CREBBP: variants seen among roughly 807,000 people sequenced by gnomAD.
The protein encoded by CREBBP is CREB-binding protein.
CREBBP carries 19 observed loss-of-function variants against 265.0 expected under a neutral mutation model. The observed-to-expected ratio is 0.07, with a 90% CI of 0.05 to 0.11. The LOEUF (loss-of-function observed/expected upper bound fraction) is 0.11. CREBBP is among the 10% of genes least tolerant of loss of function. CREBBP has a pLI of 1.00. For missense variants in CREBBP, 2,525 were observed against 3,219.0 expected (o/e 0.78, Z 5.22); for synonymous variants, 1,457 against 1,223.7 (o/e 1.19, Z -3.98).
intron 1 of CREBBP, among the ~76,000 whole-genome samples, chr16:3,871,429 G>T (rs1427610321): frequency 6.6e-6 from 1 of 152,176 alleles, no homozygotes; most frequent in African/African-American, 2.4e-5. Flanking sequence ...CTTTTAATCA[G>T]GTGACAAATA....
intron 22 of CREBBP, 116 bp downstream of exon 22, chr16:3,745,159 ATC>A: frequency 9.6e-7 from 1 of 1,038,238 alleles, no homozygotes; most frequent in Non-Finnish European, 1.5e-6. Flanking sequence ...ACCAACTGCC[ATC>A]TCTCTTAATC....
chr16:3,790,423 G>A (rs1325966006), intron 5 of CREBBP, among the ~76,000 whole-genome samples: 1 of 143,490 alleles, frequency 7.0e-6, no homozygotes, highest in Non-Finnish European at 1.5e-5. Context: ...TGCCCAGGCT[G>A]GAGTGCACTG....
chr16:3,793,279 C>T (rs755244177), intron 4 of CREBBP, 107 bp downstream of exon 4: 606 of 1,481,706 alleles, frequency 4.1e-4, no homozygotes, highest in Non-Finnish European at 5.3e-4. Flanking sequence ...CAATGGAAGG[C>T]AGCACTCAGG....
At chr16:3,743,985 A>G (rs1210842588) in intron 23 of CREBBP, among the ~76,000 whole-genome samples, 1 of 152,144 alleles carries the variant, frequency 6.6e-6, no homozygotes, top group Non-Finnish European at 1.5e-5. Flanking sequence ...CTGAGGCAGG[A>G]GAATCGCTTG....
intron 8 of CREBBP, 43 bp from the exon 9 acceptor site, chr16:3,778,860 C>CT (rs761780047): frequency 1.2e-3 from 1,814 of 1,565,482 alleles, no homozygotes; most frequent in Non-Finnish European, 1.4e-3. Context: ...TTTTTTTCTT[C>CT]TTTTTTTTAA....
chr16:3,799,291 A>G (rs1463333153), intron 3 of CREBBP, among the ~76,000 whole-genome samples: 1 of 152,246 alleles, frequency 6.6e-6, no homozygotes, highest in Admixed American at 6.5e-5. Flanking sequence ...TGTACACTTG[A>G]AGCAAGGACT....
At chr16:3,755,290 A>C (rs1257533109) in intron 19 of CREBBP, among the ~76,000 whole-genome samples, 2 of 152,196 alleles carry the variant, frequency 1.3e-5, no homozygotes, top group Admixed American at 6.5e-5. Flanking sequence ...AATCTGTGCA[A>C]ATCAGCAAAG....
At chr16:3,834,153 A>G (rs1055424294) in intron 2 of CREBBP, among the ~76,000 whole-genome samples, 13 of 152,236 alleles carry the variant, frequency 8.5e-5, no homozygotes, top group Admixed American at 2.6e-4. Flanking sequence ...AGGAACTCTC[A>G]TTCATCACTG....
intron 3 of CREBBP, among the ~76,000 whole-genome samples, chr16:3,796,360 T>C (rs2053608177): frequency 6.6e-6 from 1 of 151,708 alleles, no homozygotes; most frequent in Non-Finnish European, 1.5e-5. Context: ...GGATCACAGA[T>C]GTGTGGTGCC....
chr16:3,759,938 T>C (rs1040987135), intron 16 of CREBBP, among the ~76,000 whole-genome samples: 1 of 152,126 alleles, frequency 6.6e-6, no homozygotes, highest in Non-Finnish European at 1.5e-5. Context: ...AGCTGTTCGG[T>C]GTGGGAGGCC....
In CREBBP at chr16:3,725,438, G is replaced by A. The variant is rs569468762; in HGVS notation, c.*2280C>T. On this transcript the variant is annotated 3_prime_UTR_variant, in exon 31 of 31. Transcript: ENST00000262367. ...TTCTGAGTGTGGGCTTAGAGCTGCT[G>A]CTCTCGGGCTCTAGCCCCACTTCTT... The A allele has an allele frequency of 2.1e-4, 49 of 233,146 alleles. No homozygotes were observed. Among genetic ancestry groups the A allele is most frequent in the Admixed American group, 5.1e-4 (9 of 17,782 alleles). The allele number at this position is 233,146 out of a possible 1,614,324, so 14.4% of individuals were successfully genotyped here.
chr16:3,835,265 T>C (rs915003542), intron 2 of CREBBP, among the ~76,000 whole-genome samples: 1 of 152,218 alleles, frequency 6.6e-6, no homozygotes, highest in African/African-American at 2.4e-5. Flanking sequence ...ACAGGGATTT[T>C]TTTTTTCTAT....
chr16:3,837,622 T>A lies in CREBBP; in HGVS notation c.798+12675A>T, dbSNP rs537570634. Among the ~76,000 whole-genome samples the A allele has an allele frequency of 5.9e-3, 891 of 150,022 alleles. 3 individuals carry two copies. Among genetic ancestry groups the A allele is most frequent in the Middle Eastern group, 0.014 (4 of 288 alleles). The stretch of plus-strand genomic sequence containing the variant: ...CACAGCAAGACTGTCTCAAAAAAAA[T>A]AATAATAATAATAAATAAATAAATA... On this transcript the variant is annotated intron_variant, in intron 2 of 30. Transcript: ENST00000262367.
At position 3,850,576 on chromosome 16, in the gene CREBBP, A is replaced by G; in HGVS notation, c.519T>C (p.Pro173=). 6 of 1,614,244 alleles carry G rather than the reference A, an allele frequency of 3.7e-6. No individual in the cohort carries two copies. The highest frequency in any genetic ancestry group is 5.1e-6 in the Non-Finnish European group (6 of 1,180,038). The change falls in exon 2 of 31, where the codon CCT becomes CCC. Residue 173 remains proline (P), a synonymous_variant. Coordinates refer to ENST00000262367, the MANE Select transcript of CREBBP (RefSeq NM_004380.3). ...TSSPATSQTG[P]GICMNANFNQ... ...TAAAGTTAGCATTCATGCAGATACC[A>G]GGTCCAGTCTGTGACGTGGCAGGGC...
intron 1 of CREBBP, among the ~76,000 whole-genome samples, chr16:3,853,335 G>T (rs2054893195): frequency 6.6e-6 from 1 of 152,242 alleles, no homozygotes; most frequent in Non-Finnish European, 1.5e-5. Context: ...ATCAGGCCGG[G>T]TGCGGTGGCT....
chr16:3,835,351 C>G (rs547792813), intron 2 of CREBBP, among the ~76,000 whole-genome samples: 1 of 151,748 alleles, frequency 6.6e-6, no homozygotes, highest in African/African-American at 2.4e-5. Flanking sequence ...TCTTTTTAAA[C>G]AATCCTTAAA....
rs1208609052 is a variant in CREBBP, at chr16:3,738,545, T to A, written c.4394+14A>T. On this transcript the variant is annotated intron_variant, in intron 26 of 30. Transcript: ENST00000262367. Reference sequence around the variant, plus strand: ...GGGTTCTTACTAGTTCCAAATAATTTAATCCAAACTCACCCTAATTTCTTC... The same window carrying A: ...GGGTTCTTACTAGTTCCAAATAATTAAATCCAAACTCACCCTAATTTCTTC... 4.0e-6 allele frequency: 6 copies of A among 1,497,714 alleles called. No individual in the cohort carries two copies. The highest frequency in any genetic ancestry group is 4.7e-6 in the Non-Finnish European group (5 of 1,074,254). 92.8% of individuals were successfully genotyped at this position (1,497,714 alleles called of 1,614,324 possible).
intron 16 of CREBBP, 97 bp downstream of exon 16, chr16:3,767,623 G>T: frequency 6.6e-7 from 1 of 1,525,964 alleles, no homozygotes; most frequent in Non-Finnish European, 9.1e-7. Flanking sequence ...AGGGCAGATA[G>T]AATTATGTTT....
At chr16:3,852,173 T>TC (rs1796537529) in intron 1 of CREBBP, among the ~76,000 whole-genome samples, 1 of 116,860 alleles carries the variant, frequency 8.6e-6, no homozygotes, top group Non-Finnish European at 1.9e-5. Flanking sequence ...TTTTTTTTTT[T>TC]TTTTTTTTTG....
Sources: gnomAD v4.1 joint callset for allele counts (sites outside exome capture counted in the v4.1 genomes callset) on GRCh38, gnomAD v4.1.1 for gene constraint, MANE v1.5 for transcripts, NCBI Gene and HGNC (gene_info 2026-07-23, HGNC 2026-07-21) for gene names.